The following ZNF354B variants were observed in gnomAD, a reference collection of about 807,000 sequenced individuals.
ZNF354B encodes zinc finger protein 354B.
A neutral mutation model predicts 12.9 loss-of-function variants in ZNF354B; 10 were observed. That is an observed-to-expected ratio of 0.77 (90% CI 0.48 to 1.31). The LOEUF is 1.31. Among genes scored for constraint, ZNF354B ranks in the 40% most tolerant of loss-of-function variants. ZNF354B has a pLI of 0.00. For missense variants in ZNF354B, 614 were observed against 711.7 expected, an observed-to-expected ratio of 0.86 and a Z score of 1.56; for synonymous variants, 260 against 243.7, an observed-to-expected ratio of 1.07 and a Z score of -0.62.
chr5:178,875,808 C>A (rs561968120), intron 4 of ZNF354B, among the ~76,000 whole-genome samples: 1 of 152,274 alleles, frequency 6.6e-6, no homozygotes, highest in South Asian at 2.1e-4. Flanking sequence ...GTTTCTTCCC[C>A]AGACTGAGGG....
intron 4 of ZNF354B, among the ~76,000 whole-genome samples, chr5:178,875,182 T>C (rs1283301453): frequency 6.6e-6 from 1 of 152,194 alleles, no homozygotes; most frequent in Non-Finnish European, 1.5e-5. Flanking sequence ...CATCTCAGCT[T>C]AGCATTGCCA....
chr5:178,878,154 C>T (rs969563081), intron 4 of ZNF354B, among the ~76,000 whole-genome samples: 27 of 152,092 alleles, frequency 1.8e-4, no homozygotes, highest in African/African-American at 5.3e-4. Flanking sequence ...GAGGCCGAGG[C>T]GGGCGGATCA....
intron 4 of ZNF354B, among the ~76,000 whole-genome samples, chr5:178,880,777 A>G (rs1581816512): frequency 6.7e-6 from 1 of 149,032 alleles, no homozygotes. Context: ...GGAAGGAGCC[A>G]CTGTACCTGT....
At chr5:178,872,404 T>G (rs983047242) in intron 4 of ZNF354B, among the ~76,000 whole-genome samples, 1 of 152,230 alleles carries the variant, frequency 6.6e-6, no homozygotes, top group African/African-American at 2.4e-5. Context: ...ACATCTGGAT[T>G]ATTTACAGTT....
intron 2 of ZNF354B, among the ~76,000 whole-genome samples, chr5:178,863,272 G>T (rs56951084): frequency 1.3e-5 from 2 of 152,034 alleles, no homozygotes; most frequent in Non-Finnish European, 2.9e-5. Flanking sequence ...ATATATGTAT[G>T]TTTATGGATA....
At chr5:178,877,760 G>T (rs1008507298) in intron 4 of ZNF354B, among the ~76,000 whole-genome samples, 18 of 152,110 alleles carry the variant, frequency 1.2e-4, no homozygotes, top group African/African-American at 4.1e-4. Flanking sequence ...ATTGGAGATG[G>T]GTAGCTGCTG....
chr5:178,868,920 C>T (rs1453513332), intron 4 of ZNF354B, among the ~76,000 whole-genome samples: 10 of 149,508 alleles, frequency 6.7e-5, no homozygotes, highest in South Asian at 2.1e-4. Context: ...TGCAGCGAGC[C>T]GAGATCGCGC....
At chr5:178,861,665 C>T (rs1438416558) in intron 2 of ZNF354B, among the ~76,000 whole-genome samples, 2 of 116,554 alleles carry the variant, frequency 1.7e-5, no homozygotes, top group Non-Finnish European at 4.1e-5. Context: ...ACTCGCAGGA[C>T]ACAGAAGACC....
chr5:178,878,378 G>A (rs369209887), intron 4 of ZNF354B, among the ~76,000 whole-genome samples: 17 of 146,934 alleles, frequency 1.2e-4, no homozygotes, highest in African/African-American at 3.8e-4. Context: ...GCGAGACTCC[G>A]TCTCAAAAAA....
rs750769054 is a variant in ZNF354B, at chr5:178,883,057, T to A, written c.605T>A (p.Leu202His). 18 of 1,604,596 alleles carry A rather than the reference T, an allele frequency of 1.1e-5. No homozygotes were observed. In the East Asian group the frequency reaches 1.3e-4, roughly 12 times the overall value. ...AGTTTCAAGCAGAATTCAAATTTAC[T>A]TAACCAATCAAAAATCAAAACAGCA... Reference protein sequence around the residue: ...RNSFKQNSNLLNQSKIKTAEK... With the variant: ...RNSFKQNSNLHNQSKIKTAEK... Residue 202 changes from leucine (L) to histidine (H), a missense_variant, in exon 5 of 5, where the codon CTT becomes CAT. Physicochemically the swap from Leu to His is moderately conservative, Grantham distance 99. Transcript: ENST00000322434.
In ZNF354B at chr5:178,866,312, T is replaced by A. The variant is rs1339045190; in HGVS notation, c.102T>A (p.Ser34=). The change falls in exon 3 of 5, where the codon TCT becomes TCA. Residue 34 remains serine (S), a synonymous_variant. Transcript: ENST00000322434. ...ATGAGTGGAGAAAGCTGGCTCCTTC[T>A]CAGAGAAACTTGTACCGGGATGTGA... ...TWDEWRKLAP[S]QRNLYRDVML... 3.1e-6 allele frequency: 5 copies of A among 1,614,012 alleles called. No individual in the cohort carries two copies. In the African/African-American group the frequency reaches 6.7e-5, roughly 22 times the overall value.
chr5:178,881,471 G>T (rs1486200319), intron 4 of ZNF354B, among the ~76,000 whole-genome samples: 1 of 152,140 alleles, frequency 6.6e-6, no homozygotes, highest in East Asian at 1.9e-4. Context: ...GTGATTATTT[G>T]TTCAGATATA....
intron 2 of ZNF354B, among the ~76,000 whole-genome samples, chr5:178,861,759 A>G (rs1312243826): frequency 1.3e-5 from 2 of 152,210 alleles, no homozygotes; most frequent in East Asian, 3.9e-4. Context: ...AGGGCTGTTA[A>G]GCCAGATGGC....
In ZNF354B at chr5:178,884,389, G is replaced by C; in HGVS notation, c.*98G>C. On this transcript the variant is annotated 3_prime_UTR_variant, in exon 5 of 5. Coordinates refer to ENST00000322434, the MANE Select transcript of ZNF354B (RefSeq NM_058230.3). Reference sequence around the variant, plus strand: ...ACTCTTAGTTCTCATCAGATACTAAGTTTTAAGAATAAACTTTAGCTATGT... The same window carrying C: ...ACTCTTAGTTCTCATCAGATACTAACTTTTAAGAATAAACTTTAGCTATGT... The C allele has an allele frequency of 2.3e-6, 3 of 1,295,264 alleles. No individual in the cohort carries two copies. Among genetic ancestry groups the C allele is most frequent in the Non-Finnish European group, 3.1e-6 (3 of 958,516 alleles). The allele number at this position is 1,295,264 out of a possible 1,614,324, so 80.2% of individuals were successfully genotyped here.
intron 2 of ZNF354B, 99 bp from the exon 3 acceptor site, chr5:178,866,144 AG>A: frequency 6.6e-7 from 1 of 1,504,606 alleles, no homozygotes; most frequent in Non-Finnish European, 8.9e-7. Context: ...AAGCTTGAAT[AG>A]TATGAGAAGT....
chr5:178,877,399 C>T (rs563271378), intron 4 of ZNF354B, among the ~76,000 whole-genome samples: 2 of 152,230 alleles, frequency 1.3e-5, no homozygotes, highest in South Asian at 2.1e-4. Context: ...GAACTCCTGA[C>T]CTCAAGTGAT....
chr5:178,882,662 C>T, intron 4 of ZNF354B, 47 bp from the exon 5 acceptor site: 1 of 1,503,848 alleles, frequency 6.6e-7, no homozygotes, highest in Non-Finnish European at 8.8e-7. Context: ...TAGTCTCAGC[C>T]AATCACATGA....
chr5:178,861,147 G>T, intron 2 of ZNF354B, 67 bp downstream of exon 2: 1 of 670,098 alleles, frequency 1.5e-6, no homozygotes, highest in South Asian at 1.7e-5. Flanking sequence ...TCTTCACCCG[G>T]GACCATCTCC....
chr5:178,882,500 C>T (rs150625615), intron 4 of ZNF354B, among the ~76,000 whole-genome samples: 88 of 152,326 alleles, frequency 5.8e-4, no homozygotes, highest in African/African-American at 2.0e-3. Flanking sequence ...CTCTTACACA[C>T]TCACCCGCCT....
Sources: gnomAD v4.1 joint callset for allele counts (sites outside exome capture counted in the v4.1 genomes callset) on GRCh38, gnomAD v4.1.1 for gene constraint, MANE v1.5 for transcripts, NCBI Gene and HGNC (gene_info 2026-07-23, HGNC 2026-07-21) for gene names.